Variants in XG observed in about 807,000 individuals in gnomAD.
XG encodes glycoprotein Xg.
In XG, 24 loss-of-function variants were observed where a neutral mutation model predicts 25.7. The observed-to-expected ratio is 0.93, with a 90% confidence interval of 0.68 to 1.31. The LOEUF (loss-of-function observed/expected upper bound fraction) is 1.31, where lower values mean the gene tolerates loss of function less well. Among genes scored for constraint, XG ranks in the 40% most tolerant of loss-of-function variants. The probability of loss-of-function intolerance (pLI) is 0.00; values close to 1 mark genes in which losing one functional copy is unlikely to be tolerated. For synonymous variants in XG, 77 were observed against 69.2 expected (o/e 1.11, Z -0.56); for missense variants, 181 against 187.6 (o/e 0.96, Z 0.21).
intron 3 of XG, 66 bp downstream of exon 3, chrX:2,774,805 G>A: frequency 6.3e-7 from 1 of 1,593,616 alleles, no homozygotes; most frequent in Non-Finnish European, 8.6e-7. Context: ...CGGAGGGGAT[G>A]GTTGAGGATG....
intron 10 of XG, among the ~76,000 whole-genome samples, chrX:2,814,039 A>G (rs1452651509): frequency 8.9e-6 from 1 of 112,013 alleles, no homozygotes; most frequent in Non-Finnish European, 1.9e-5. Context: ...TGCATCATTT[A>G]TTTGTTCTAA....
intron 4 of XG, among the ~76,000 whole-genome samples, chrX:2,784,257 C>T (rs1202979197): frequency 1.8e-5 from 2 of 110,880 alleles, no homozygotes; most frequent in South Asian, 7.6e-4. Context: ...AACAGACTGC[C>T]GTGGGCTTCC....
chrX:2,797,936 A>T (rs771547366), intron 7 of XG, among the ~76,000 whole-genome samples: 53 of 111,871 alleles, frequency 4.7e-4, no homozygotes, highest in African/African-American at 1.7e-3. Context: ...GCTACTCAGG[A>T]GGCAGAGGTA....
chrX:2,797,410 A>G (rs1442083840), intron 7 of XG, 50 bp downstream of exon 7: 3 of 1,172,062 alleles, frequency 2.6e-6, no homozygotes, highest in Admixed American at 4.5e-5. Context: ...GGGAGGGGTC[A>G]TCTTTCTAGG....
At chrX:2,770,303 G>C (rs1450877470) in intron 1 of XG, among the ~76,000 whole-genome samples, 1 of 152,158 alleles carries the variant, frequency 6.6e-6, no homozygotes, top group Non-Finnish European at 1.5e-5. Flanking sequence ...TGGTTGTCAG[G>C]GGCTGGGGAG....
intron 2 of XG, among the ~76,000 whole-genome samples, chrX:2,773,936 G>A (rs757448379): frequency 7.9e-5 from 12 of 152,196 alleles, no homozygotes; most frequent in Admixed American, 2.0e-4. Context: ...CAGGACATGC[G>A]AAACCATATG....
At chrX:2,758,857 G>A (rs774543629) in intron 1 of XG, among the ~76,000 whole-genome samples, 55 of 152,256 alleles carry the variant, frequency 3.6e-4, no homozygotes, top group South Asian at 8.3e-4. Flanking sequence ...TCTATCTATC[G>A]TCTACCATTA....
Position 2,782,784 on chromosome X carries a change from T to C in XG, c.190+656T>C, listed in dbSNP as rs192207272. On this transcript the variant is annotated intron_variant, in intron 4 of 10. Coordinates refer to ENST00000644266, the MANE Select transcript of XG (RefSeq NM_001141919.2). ...GAGAAACTTGGGGAGGTTCAGACTCTTGCAGCCAGAGGCTGCACGAGCCCT... is the reference window on the plus strand; with the variant it reads ...GAGAAACTTGGGGAGGTTCAGACTCCTGCAGCCAGAGGCTGCACGAGCCCT... Among the ~76,000 whole-genome samples the C allele has an allele frequency of 2.1e-4, 24 of 111,838 alleles. No individual in the cohort carries two copies. In the East Asian group the frequency reaches 3.9e-3, roughly 18 times the overall value.
At chrX:2,780,650 G>A (rs1206478878) in intron 3 of XG, among the ~76,000 whole-genome samples, 15 of 151,932 alleles carry the variant, frequency 9.9e-5, no homozygotes, top group African/African-American at 3.1e-4. Flanking sequence ...CCCAGGAGGC[G>A]GAGGTTGCAG....
At chrX:2,781,693 CAGA>C (rs1486771927) in intron 3 of XG, among the ~76,000 whole-genome samples, 2 of 111,770 alleles carry the variant, frequency 1.8e-5, no homozygotes, top group Admixed American at 1.9e-4. Flanking sequence ...GGTCCGGGAA[CAGA>C]AGGTTTGGTG....
chrX:2,781,404 G>C (rs936907704), intron 3 of XG, among the ~76,000 whole-genome samples: 2 of 151,218 alleles, frequency 1.3e-5, no homozygotes, highest in African/African-American at 4.9e-5. Flanking sequence ...GGACCCATTA[G>C]ATTAAGTCAA....
At chrX:2,793,425 A>G (rs112988737) in intron 5 of XG, among the ~76,000 whole-genome samples, 1,339 of 112,000 alleles carry the variant, frequency 0.012, 14 homozygotes, top group African/African-American at 0.041. Flanking sequence ...GACAGACACC[A>G]TCAGAGGGCA....
chrX:2,780,747 C>T (rs1460511345), intron 3 of XG, among the ~76,000 whole-genome samples: 1 of 151,606 alleles, frequency 6.6e-6, no homozygotes, highest in African/African-American at 2.4e-5. Context: ...TATATTGGTT[C>T]CGTCTGGAAA....
chrX:2,808,570 GAAA>G, intron 9 of XG: 4 of 753,671 alleles, frequency 5.3e-6, no homozygotes, highest in Non-Finnish European at 6.3e-6. Context: ...AAGGACAGGA[GAAA>G]GGAAGGTATG....
chrX:2,812,532 T>TCCTA (rs2087068014), intron 10 of XG, among the ~76,000 whole-genome samples: 1 of 110,987 alleles, frequency 9.0e-6, no homozygotes, highest in Non-Finnish European at 1.9e-5. Flanking sequence ...GGGTGCCCAT[T>TCCTA]CCTACGGTGT....
chrX:2,802,623 C>G (rs1171822924), intron 7 of XG, among the ~76,000 whole-genome samples: 1 of 108,159 alleles, frequency 9.2e-6, no homozygotes, highest in Non-Finnish European at 1.9e-5. Flanking sequence ...GTCTTCTGTT[C>G]TTGTGTGGGA....
rs138618142 is a variant in XG at position 2,797,360 on chromosome X, G to A, written c.373G>A (p.Gly125Arg). Residue 125 changes from glycine to arginine, a missense_variant and splice_region_variant, in exon 7 of 11, where the codon GGA becomes AGA. Gly to Arg is a moderately radical substitution (Grantham distance 125). Coordinates refer to ENST00000644266, the MANE Select transcript of XG (RefSeq NM_001141919.2). Reference sequence around the variant, plus strand: ...TTATGGCAACTCCGACAACACGCACGGTACCCCTACATCTGGGCATGCGAT... The same window carrying A: ...TTATGGCAACTCCGACAACACGCACAGTACCCCTACATCTGGGCATGCGAT... The part of the protein sequence containing the change: ...SSYGNSDNTH[G>R]RGGYRLNSRY... The A allele has an allele frequency of 9.9e-6, 12 of 1,207,389 alleles. No individual in the cohort carries two copies. The highest frequency in any genetic ancestry group is 5.3e-5 in the South Asian group (3 of 56,590).
At chrX:2,778,917 A>G (rs1019928049) in intron 3 of XG, among the ~76,000 whole-genome samples, 2 of 151,694 alleles carry the variant, frequency 1.3e-5, no homozygotes, top group Admixed American at 1.3e-4. Flanking sequence ...ATGTGCCACC[A>G]CGCCTGGCTA....
At chrX:2,798,059 A>G (rs1415711189) in intron 7 of XG, among the ~76,000 whole-genome samples, 1 of 110,712 alleles carries the variant, frequency 9.0e-6, no homozygotes, top group African/African-American at 3.3e-5. Context: ...AAAGAAAAAG[A>G]AAAGAAAAGA....
Sources: gnomAD v4.1 joint callset for allele counts (sites outside exome capture counted in the v4.1 genomes callset) on GRCh38, gnomAD v4.1.1 for gene constraint, MANE v1.5 for transcripts, NCBI Gene and HGNC (gene_info 2026-07-23, HGNC 2026-07-21) for gene names.